Variants in ARL15 observed in about 807,000 individuals in gnomAD.
ARL15 encodes ADP-ribosylation factor-like protein 15.
ARL15 carries 19 observed loss-of-function variants against 25.2 expected under a neutral mutation model. That is an observed-to-expected ratio of 0.75 (90% CI 0.53 to 1.10). ARL15 has a LOEUF of 1.10. ARL15 is among the 50% of genes least tolerant of loss of function. ARL15 has a pLI of 0.00. For missense variants in ARL15, 220 were observed against 246.0 expected (o/e 0.89, Z 0.71); for synonymous variants, 94 against 86.8 (o/e 1.08, Z -0.46).
intron 4 of ARL15, among the ~76,000 whole-genome samples, chr5:53,900,327 G>A (rs139783562): frequency 1.5e-3 from 226 of 152,208 alleles, no homozygotes; most frequent in African/African-American, 5.1e-3. Context: ...CCTGCAATCT[G>A]TGAACTTTTT....
intron 4 of ARL15, among the ~76,000 whole-genome samples, chr5:53,944,011 G>A (rs976891262): frequency 2.6e-5 from 4 of 152,158 alleles, no homozygotes; most frequent in Non-Finnish European, 5.9e-5. Flanking sequence ...CTCAACTCTG[G>A]ACCCCATGTT....
At chr5:54,207,989 G>A (rs1387221257) in intron 1 of ARL15, among the ~76,000 whole-genome samples, 2 of 152,136 alleles carry the variant, frequency 1.3e-5, no homozygotes, top group Non-Finnish European at 2.9e-5. Context: ...GGAGAATTAA[G>A]TAAAACTTTA....
At chr5:54,226,504 T>C (rs900097138) in intron 1 of ARL15, among the ~76,000 whole-genome samples, 10 of 152,060 alleles carry the variant, frequency 6.6e-5, no homozygotes, top group African/African-American at 2.4e-4. Context: ...TTAGCTATGA[T>C]AATATCAGAA....
At chr5:54,244,604 C>T (rs1378527341) in intron 1 of ARL15, among the ~76,000 whole-genome samples, 5 of 152,154 alleles carry the variant, frequency 3.3e-5, no homozygotes, top group African/African-American at 1.2e-4. Flanking sequence ...ACCATAACTT[C>T]CTGTTATAAA....
chr5:54,074,652 T>A (rs1561213608), intron 4 of ARL15, among the ~76,000 whole-genome samples: 1 of 152,158 alleles, frequency 6.6e-6, no homozygotes, highest in African/African-American at 2.4e-5. Flanking sequence ...AAGGCACATG[T>A]TTTCAGAACT....
At chr5:53,951,471 TCAAA>T (rs1561162665) in intron 4 of ARL15, 1 of 470,000 alleles carries the variant, frequency 2.1e-6, no homozygotes, top group Non-Finnish European at 4.4e-6. Context: ...TCTTGCATAC[TCAAA>T]CAGATATTTT....
In ARL15 at chr5:54,195,388, G is replaced by A. The variant is rs543153646; in HGVS notation, c.49-23460C>T. ...TTAAAAGGTTACAAAACATGGTGAT[G>A]GTTTAAATAGCTACTACAACAACTG... is the stretch of plus-strand genomic sequence containing the variant. On this transcript the variant is annotated intron_variant, in intron 1 of 4. Coordinates refer to ENST00000504924, the MANE Select transcript of ARL15 (RefSeq NM_019087.3). Among the ~76,000 whole-genome samples the A allele has an allele frequency of 2.6e-5, 4 of 152,236 alleles. 1 individual carries two copies. The East Asian group carries it at 5.8e-4, about 22-fold the overall frequency.
chr5:54,264,249 G>A (rs7715184), intron 1 of ARL15, among the ~76,000 whole-genome samples: 7 of 151,780 alleles, frequency 4.6e-5, no homozygotes, highest in Admixed American at 2.6e-4. Flanking sequence ...TCATTCTTCC[G>A]CACATCCACT....
chr5:54,293,404 T>C (rs1163126278), intron 1 of ARL15, among the ~76,000 whole-genome samples: 1 of 152,128 alleles, frequency 6.6e-6, no homozygotes, highest in Non-Finnish European at 1.5e-5. Context: ...AAAAGTCAAA[T>C]ATAGTAAAAT....
chr5:54,212,851 T>A (rs1756083834), intron 1 of ARL15, among the ~76,000 whole-genome samples: 1 of 152,024 alleles, frequency 6.6e-6, no homozygotes, highest in Non-Finnish European at 1.5e-5. Flanking sequence ...AGATGCAGAG[T>A]GAGAAATCTG....
At chr5:54,055,052 G>T (rs951206592) in intron 4 of ARL15, among the ~76,000 whole-genome samples, 2 of 152,124 alleles carry the variant, frequency 1.3e-5, no homozygotes, top group Non-Finnish European at 2.9e-5. Flanking sequence ...GTGGCTTTTA[G>T]TACATACAGA....
At chr5:54,021,689 G>C (rs747557036) in intron 4 of ARL15, among the ~76,000 whole-genome samples, 1 of 152,180 alleles carries the variant, frequency 6.6e-6, no homozygotes, top group Non-Finnish European at 1.5e-5. Context: ...AAAAAAGAAA[G>C]AGGGTGTGGC....
chr5:54,087,069 G>A (rs993027786), intron 4 of ARL15, among the ~76,000 whole-genome samples: 3 of 152,122 alleles, frequency 2.0e-5, no homozygotes, highest in African/African-American at 7.2e-5. Flanking sequence ...GGGCGTGGTG[G>A]CTCACGCCTG....
At chr5:53,910,673 A>ATATATATATATATATAT (rs1491571617) in intron 4 of ARL15, among the ~76,000 whole-genome samples, 9 of 139,598 alleles carry the variant, frequency 6.4e-5, no homozygotes, top group African/African-American at 1.6e-4. Flanking sequence ...ATATATATAT[A>ATATATATATATATATAT]AAGAAAACGT....
chr5:54,033,237 T>C lies in ARL15; in HGVS notation c.462+79965A>G, dbSNP rs10076294. 8.5e-3 allele frequency among the ~76,000 whole-genome samples: 1,293 copies of C among 151,796 alleles called. 25 individuals carry two copies. The highest frequency in any genetic ancestry group is 0.03 in the African/African-American group (1,236 of 41,366). On this transcript the variant is annotated intron_variant, in intron 4 of 4. Coordinates refer to ENST00000504924, the MANE Select transcript of ARL15 (RefSeq NM_019087.3). ...CTGAGGCAGGAGAATGGCTTGAACC[T>C]GGGAGGTGGAAGTTGCAGTGAGCTG...
intron 1 of ARL15, among the ~76,000 whole-genome samples, chr5:54,265,825 G>A (rs1326780783): frequency 6.6e-6 from 1 of 152,188 alleles, no homozygotes; most frequent in East Asian, 1.9e-4. Flanking sequence ...AACTGACTTT[G>A]TGTATGAGTT....
At chr5:54,170,849 A>G (rs1754693544) in intron 2 of ARL15, among the ~76,000 whole-genome samples, 1 of 152,160 alleles carries the variant, frequency 6.6e-6, no homozygotes, top group African/African-American at 2.4e-5. Flanking sequence ...TCTCATGTCT[A>G]ACACTGGACC....
At chr5:54,298,665 A>C (rs944774488) in intron 1 of ARL15, among the ~76,000 whole-genome samples, 1 of 152,078 alleles carries the variant, frequency 6.6e-6, no homozygotes, top group African/African-American at 2.4e-5. Context: ...CGGCACCGCA[A>C]CAAGGCCCAT....
intron 4 of ARL15, among the ~76,000 whole-genome samples, chr5:53,994,757 A>T (rs561522702): frequency 3.6e-4 from 55 of 152,282 alleles, no homozygotes; most frequent in South Asian, 1.7e-3. Context: ...AATTTTTTTT[A>T]AATTATTTTG....
Sources: gnomAD v4.1 joint callset for allele counts (sites outside exome capture counted in the v4.1 genomes callset) on GRCh38, gnomAD v4.1.1 for gene constraint, MANE v1.5 for transcripts, NCBI Gene and HGNC (gene_info 2026-07-23, HGNC 2026-07-21) for gene names.